Variants in YAP1 observed in about 807,000 individuals in gnomAD.
YAP1 encodes the protein Yes1 associated transcriptional regulator, also known as transcriptional coactivator YAP1.
A neutral mutation model predicts 56.9 loss-of-function variants in YAP1; 5 were observed. The ratio of observed to expected loss-of-function variants is 0.09; its 90% CI spans 0.05 to 0.18. The LOEUF (loss-of-function observed/expected upper bound fraction) is 0.18, where lower values mean the gene tolerates loss of function less well. YAP1 is among the 10% of genes least tolerant of loss of function. The pLI is 1.00. For missense variants in YAP1, 539 were observed against 651.8 expected (o/e 0.83, Z 1.88); for synonymous variants, 265 against 248.1 (o/e 1.07, Z -0.64).
In YAP1 at chr11:102,134,132, C is replaced by T. The variant is rs147908604; in HGVS notation, c.572+19738C>T. On this transcript the variant is annotated intron_variant, in intron 2 of 8. Coordinates refer to ENST00000282441, the MANE Select transcript of YAP1 (RefSeq NM_001130145.3). ...TTTTGGGAGGACACGGATATTTAGT[C>T]CAAAACACTGTTTTAACTGAAAAGA... Among the ~76,000 whole-genome samples the T allele has an allele frequency of 3.4e-4, 52 of 152,248 alleles. No individual in the cohort carries two copies. In the East Asian group the frequency reaches 9.6e-3, roughly 28 times the overall value.
rs532824455 is a variant in YAP1 at position 102,202,507 on chromosome 11, CT to C, written c.803-3385del. Among the ~76,000 whole-genome samples, 560 of 151,560 alleles carry C rather than the reference CT, an allele frequency of 3.7e-3. 11 individuals carry two copies. Among genetic ancestry groups the C allele is most frequent in the African/African-American group, 0.013 (537 of 41,324 alleles). On this transcript the variant is annotated intron_variant, in intron 4 of 8. Transcript: ENST00000282441. ...TTTTTTTTTTTTAAACCCTCATTGG[CT>C]ACCTTTTGGAGGACTCTGGGACCAA...
At chr11:102,136,545 G>A (rs1175601543) in intron 2 of YAP1, among the ~76,000 whole-genome samples, 1 of 151,956 alleles carries the variant, frequency 6.6e-6, no homozygotes, top group African/African-American at 2.4e-5. Flanking sequence ...TAGAGATGGA[G>A]TTTCACCATG....
At chr11:102,137,155 A>T (rs375943814) in intron 2 of YAP1, among the ~76,000 whole-genome samples, 1 of 152,226 alleles carries the variant, frequency 6.6e-6, no homozygotes, top group African/African-American at 2.4e-5. Flanking sequence ...GATGGAACTA[A>T]CAAGATCTGG....
At chr11:102,208,305 T>C (rs1949224627) in intron 5 of YAP1, among the ~76,000 whole-genome samples, 1 of 152,216 alleles carries the variant, frequency 6.6e-6, no homozygotes, top group Admixed American at 6.5e-5. Flanking sequence ...TGGAACTCAC[T>C]TGGTTATTGG....
intron 6 of YAP1, among the ~76,000 whole-genome samples, chr11:102,212,518 A>G (rs951048589): frequency 6.6e-6 from 1 of 152,220 alleles, no homozygotes; most frequent in Non-Finnish European, 1.5e-5. Flanking sequence ...TTATTATACT[A>G]TGTTGGCAGG....
rs184700705 is a variant in YAP1 at position 102,128,476 on chromosome 11, G to T, written c.572+14082G>T. Among the ~76,000 whole-genome samples, 331 of 152,288 alleles carry T rather than the reference G, an allele frequency of 2.2e-3. 1 individual carries two copies. The highest frequency in any genetic ancestry group is 3.7e-3 in the Non-Finnish European group (251 of 68,028). On this transcript the variant is annotated intron_variant, in intron 2 of 8. Coordinates refer to ENST00000282441, the MANE Select transcript of YAP1 (RefSeq NM_001130145.3). ...CCACCATGATCCTGAGGCCTCCCCA[G>T]CCATGTGGAACTGTTTAAGTCCAAT...
At chr11:102,157,864 C>T (rs1275118500) in intron 2 of YAP1, among the ~76,000 whole-genome samples, 2 of 152,164 alleles carry the variant, frequency 1.3e-5, no homozygotes, top group Non-Finnish European at 2.9e-5. Context: ...CTCTTTTCCC[C>T]TTACAACACA....
chr11:102,177,654 C>T (rs1025011201), intron 3 of YAP1, among the ~76,000 whole-genome samples: 6 of 134,138 alleles, frequency 4.5e-5, no homozygotes, highest in South Asian at 4.6e-4. Flanking sequence ...TCTAGCCTGG[C>T]GACAGAGTGA....
chr11:102,141,105 G>C (rs538917352), intron 2 of YAP1, among the ~76,000 whole-genome samples: 88 of 152,118 alleles, frequency 5.8e-4, no homozygotes, highest in Non-Finnish European at 1.3e-4. Flanking sequence ...TTAAGATTCA[G>C]CTCAGGTGTT....
At chr11:102,191,996 A>ATT (rs1948314605) in intron 4 of YAP1, among the ~76,000 whole-genome samples, 2 of 152,176 alleles carry the variant, frequency 1.3e-5, no homozygotes, top group Admixed American at 6.5e-5. Flanking sequence ...ACGTAAGAGA[A>ATT]TTTAAGATCT....
chr11:102,135,072 T>A (rs751314707), intron 2 of YAP1, among the ~76,000 whole-genome samples: 12 of 152,216 alleles, frequency 7.9e-5, no homozygotes, highest in Non-Finnish European at 1.3e-4. Context: ...TTTCACTATG[T>A]TGGCCAGGCT....
chr11:102,165,974 C>A (rs1234290458), intron 3 of YAP1, among the ~76,000 whole-genome samples: 1 of 152,124 alleles, frequency 6.6e-6, no homozygotes, highest in Non-Finnish European at 1.5e-5. Flanking sequence ...ACTGTTCACT[C>A]AAGAGAAGAG....
chr11:102,187,091 CTG>C (rs1193211610), intron 4 of YAP1, among the ~76,000 whole-genome samples: 5 of 152,084 alleles, frequency 3.3e-5, no homozygotes, highest in African/African-American at 1.2e-4. Context: ...GGAATTAACT[CTG>C]TGAATGCCAT....
chr11:102,178,811 T>G (rs1017358523), intron 3 of YAP1, among the ~76,000 whole-genome samples: 3 of 152,202 alleles, frequency 2.0e-5, no homozygotes, highest in African/African-American at 7.2e-5. Context: ...AGGTTTAATT[T>G]GGCTCACAGT....
chr11:102,175,765 T>A (rs1236170309), intron 3 of YAP1, among the ~76,000 whole-genome samples: 3 of 152,158 alleles, frequency 2.0e-5, no homozygotes, highest in Non-Finnish European at 4.4e-5. Context: ...TATCTAAACA[T>A]AGAAGAGGTA....
At position 102,196,528 on chromosome 11, in the gene YAP1, A is replaced by G. The variant is rs182422050; in HGVS notation, c.803-9365A>G. On this transcript the variant is annotated intron_variant, in intron 4 of 8. Coordinates refer to ENST00000282441, the MANE Select transcript of YAP1 (RefSeq NM_001130145.3). ...CCAGAATGGGAAAATTCATAGAGAC[A>G]GAAGTAGATTAGTGGTTGCCAGGGA... is the stretch of plus-strand genomic sequence containing the variant. Among the ~76,000 whole-genome samples, 4 of 152,278 alleles carry G rather than the reference A, an allele frequency of 2.6e-5. No homozygotes were observed. In the East Asian group the frequency reaches 5.8e-4, roughly 22 times the overall value.
intron 6 of YAP1, among the ~76,000 whole-genome samples, chr11:102,215,941 A>G (rs1201692632): frequency 6.6e-6 from 1 of 152,208 alleles, no homozygotes; most frequent in African/African-American, 2.4e-5. Context: ...TCTTAACAAT[A>G]TGATATGTCT....
chr11:102,215,347 C>A (rs1391340777), intron 6 of YAP1, among the ~76,000 whole-genome samples: 1 of 152,178 alleles, frequency 6.6e-6, no homozygotes, highest in African/African-American at 2.4e-5. Flanking sequence ...CTGCAAAAAC[C>A]CCTTGCTCCT....
intron 2 of YAP1, among the ~76,000 whole-genome samples, chr11:102,125,436 G>A (rs778594638): frequency 3.3e-5 from 5 of 149,464 alleles, no homozygotes; most frequent in Non-Finnish European, 7.4e-5. Flanking sequence ...GAGTGCGGTG[G>A]CACAATTTTG....
Sources: allele counts gnomAD v4.1 joint callset (sites outside exome capture counted in the v4.1 genomes callset), GRCh38; gene constraint gnomAD v4.1.1; transcripts MANE v1.5; gene names NCBI Gene and HGNC (gene_info 2026-07-23, HGNC 2026-07-21).